Variants in FBXW12 observed in about 807,000 individuals in gnomAD.
FBXW12 encodes the protein F-box and WD repeat domain containing 12.
In FBXW12, 43 loss-of-function variants were observed where a neutral mutation model predicts 55.3. The ratio of observed to expected loss-of-function variants is 0.78; its 90% CI spans 0.61 to 1.00. The LOEUF (loss-of-function observed/expected upper bound fraction) is 1.00, where lower values mean the gene tolerates loss of function less well. Ranked by LOEUF, FBXW12 falls within the 50% of genes least tolerant of loss-of-function variation. FBXW12 has a pLI of 0.00. For missense variants in FBXW12, 524 were observed against 560.5 expected, an observed-to-expected ratio of 0.93 and a Z score of 0.66; for synonymous variants, 184 against 203.8, an observed-to-expected ratio of 0.90 and a Z score of 0.83.
chr3:48,383,503 G>C (rs914654742), intron 10 of FBXW12, among the ~76,000 whole-genome samples: 2 of 151,994 alleles, frequency 1.3e-5, no homozygotes, highest in Non-Finnish European at 2.9e-5. Context: ...TATCAGATAA[G>C]GGTTTGCAAA....
intron 10 of FBXW12, among the ~76,000 whole-genome samples, chr3:48,390,122 T>C (rs921068941): frequency 4.6e-5 from 7 of 152,216 alleles, no homozygotes; most frequent in Non-Finnish European, 8.8e-5. Context: ...CTATAGCCTA[T>C]AGTATAGTTT....
At chr3:48,378,596 A>G in intron 6 of FBXW12, 70 bp downstream of exon 6, 1 of 1,198,690 alleles carries the variant, frequency 8.3e-7, no homozygotes, top group Non-Finnish European at 1.2e-6. Context: ...CATCCGTGTC[A>G]CATTACTGTC....
At chr3:48,393,558 C>T (rs1200865908) in intron 10 of FBXW12, among the ~76,000 whole-genome samples, 2 of 152,188 alleles carry the variant, frequency 1.3e-5, no homozygotes, top group East Asian at 1.9e-4. Context: ...GGGAGGGAAG[C>T]GTGGCATCTC....
rs573912131 is a variant in FBXW12 at position 48,393,874 on chromosome 3, G to A, written c.1296-686G>A. 6.6e-5 allele frequency among the ~76,000 whole-genome samples: 10 copies of A among 151,548 alleles called. No homozygotes were observed. The South Asian group carries it at 2.1e-3, about 32-fold the overall frequency. ...GCTCACTACAACCTCCGCCTCCCGG[G>A]TTCAAGCAATTCTCCTGCCTCAGCC... On this transcript the variant is annotated intron_variant, in intron 10 of 10. Transcript: ENST00000296438.
At chr3:48,373,244 G>C (rs2036629194) in intron 2 of FBXW12, 64 bp from the exon 3 acceptor site, 2 of 1,611,716 alleles carry the variant, frequency 1.2e-6, no homozygotes, top group Non-Finnish European at 1.7e-6. Flanking sequence ...AATAATAGCA[G>C]AGGATTACCC....
intron 3 of FBXW12, 54 bp from the exon 4 acceptor site, chr3:48,373,494 T>C (rs1395431425): frequency 6.2e-7 from 1 of 1,604,316 alleles, no homozygotes; most frequent in Non-Finnish European, 8.5e-7. Context: ...ACCGGGGCTC[T>C]GAGGAGGTGA....
At chr3:48,390,605 G>C (rs1441358872) in intron 10 of FBXW12, among the ~76,000 whole-genome samples, 1 of 151,234 alleles carries the variant, frequency 6.6e-6, no homozygotes, top group South Asian at 2.1e-4. Flanking sequence ...AGTAGAGATG[G>C]GGTTTTGCAT....
chr3:48,391,474 C>T (rs539771222), intron 10 of FBXW12, among the ~76,000 whole-genome samples: 1 of 152,138 alleles, frequency 6.6e-6, no homozygotes, highest in East Asian at 1.9e-4. Flanking sequence ...CTAGGACTTC[C>T]TAGCTAGAGC....
intron 1 of FBXW12, 129 bp downstream of exon 1, chr3:48,372,449 T>C: frequency 3.3e-6 from 4 of 1,229,220 alleles, no homozygotes; most frequent in Non-Finnish European, 4.6e-6. Flanking sequence ...TCTGACAACT[T>C]CATCTGCAAC....
chr3:48,376,330 T>G (rs2036685517), intron 5 of FBXW12, among the ~76,000 whole-genome samples: 1 of 152,198 alleles, frequency 6.6e-6, no homozygotes, highest in African/African-American at 2.4e-5. Flanking sequence ...TTGTATAAGG[T>G]CTTATTTTCT....
intron 2 of FBXW12, 148 bp from the exon 3 acceptor site, chr3:48,373,160 T>C: frequency 8.5e-7 from 1 of 1,180,168 alleles, no homozygotes; most frequent in Non-Finnish European, 1.2e-6. Context: ...CATTTCCTTA[T>C]CTCCCCACAC....
In FBXW12 at chr3:48,381,898, A is replaced by G. The variant is rs372494280; in HGVS notation, c.1164+20A>G. 3 of 1,611,126 alleles carry G rather than the reference A, an allele frequency of 1.9e-6. No individual in the cohort carries two copies. The highest frequency in any genetic ancestry group is 2.7e-5 in the African/African-American group (2 of 74,862). ...TGGGTGGTATGTATGATTCTCCTCC[A>G]CTGCTTTTTGATCTGACTTTGACTC... On this transcript the variant is annotated intron_variant, in intron 9 of 10. Transcript: ENST00000296438.
At chr3:48,384,709 T>C (rs2036821146) in intron 10 of FBXW12, among the ~76,000 whole-genome samples, 1 of 152,230 alleles carries the variant, frequency 6.6e-6, no homozygotes. Flanking sequence ...AGGTTTTTGT[T>C]GTCATGAATA....
chr3:48,374,369 C>A (rs904291997), intron 4 of FBXW12, among the ~76,000 whole-genome samples: 2 of 146,984 alleles, frequency 1.4e-5, no homozygotes, highest in Non-Finnish European at 3.0e-5. Context: ...GCTCTGTCAT[C>A]TAGGCTGGAG....
rs143990327 is a variant in FBXW12, at chr3:48,394,593, C to T, written c.1329C>T (p.Ser443=). ...CISSVMCDNA[S]IVLRVRKVSD... ...CCAGTGTGATGTGTGATAATGCAAG[C>T]ATAGTACTTAGGGTGAGGAAAGTAA... is the stretch of plus-strand genomic sequence containing the variant. The change falls in exon 11 of 11, where the codon AGC becomes AGT. Residue 443 remains serine (S), a synonymous_variant. Coordinates refer to ENST00000296438, the MANE Select transcript of FBXW12 (RefSeq NM_207102.2). 1.6e-4 allele frequency: 264 copies of T among 1,607,790 alleles called. 1 individual carries two copies. Among genetic ancestry groups the T allele is most frequent in the Admixed American group, 1.9e-4 (11 of 58,630 alleles).
intron 1 of FBXW12, 175 bp from the exon 2 acceptor site, chr3:48,372,509 C>A: frequency 2.0e-6 from 2 of 977,000 alleles, no homozygotes; most frequent in Non-Finnish European, 3.0e-6. Flanking sequence ...ACAGGTGTTG[C>A]TGAGCTCCTC....
At chr3:48,376,666 AC>A (rs2036690573) in intron 5 of FBXW12, among the ~76,000 whole-genome samples, 1 of 152,168 alleles carries the variant, frequency 6.6e-6, no homozygotes, top group East Asian at 1.9e-4. Flanking sequence ...GGATTTCAAA[AC>A]TTTTACAGGC....
chr3:48,373,591 C>T lies in FBXW12; in HGVS notation c.172C>T (p.Gln58Ter). The change falls in exon 4 of 11, where the codon CAA becomes TAA. Residue 58 changes from glutamine (Q) to a stop codon, truncating the protein, a stop_gained. Transcript: ENST00000296438. LOFTEE classifies it high-confidence loss of function. ...ATGGGACTGCAGCAACTTCACCAAT[C>T]AACACCTGGGCACACACACATGGAA... Reference protein sequence around the residue: ...QRWDCSNFTNQHLGTHTWKQF... With the variant: ...QRWDCSNFTN The T allele has an allele frequency of 6.2e-7, 1 of 1,614,152 alleles. No individual in the cohort carries two copies. Among genetic ancestry groups the T allele is most frequent in the Middle Eastern group, 1.6e-4 (1 of 6,062 alleles).
intron 10 of FBXW12, 79 bp from the exon 11 acceptor site, chr3:48,394,481 C>G: frequency 2.5e-6 from 2 of 808,470 alleles, no homozygotes; most frequent in Admixed American, 2.5e-5. Context: ...ATATCTTAGT[C>G]AAGTTCTAAG....
Sources: gnomAD v4.1 joint callset for allele counts (sites outside exome capture counted in the v4.1 genomes callset) on GRCh38, gnomAD v4.1.1 for gene constraint, MANE v1.5 for transcripts, NCBI Gene and HGNC (gene_info 2026-07-23, HGNC 2026-07-21) for gene names.